WNK1: variants seen among roughly 807,000 people sequenced by gnomAD.
WNK1 encodes the protein serine/threonine-protein kinase WNK1.
A neutral mutation model predicts 222.8 loss-of-function variants in WNK1; 38 were observed. The ratio of observed to expected loss-of-function variants is 0.17; its 90% CI spans 0.13 to 0.22. The LOEUF is 0.22. WNK1 is among the 10% of genes least tolerant of loss of function. The probability of loss-of-function intolerance (pLI) is 1.00; values close to 1 mark genes in which losing one functional copy is unlikely to be tolerated. For synonymous variants in WNK1, 1,090 were observed against 1,092.9 expected, an observed-to-expected ratio of 1.00 and a Z score of 0.05; for missense variants, 2,348 against 2,918.4, an observed-to-expected ratio of 0.80 and a Z score of 4.50.
chr12:816,714 C>T (rs1435812787), intron 2 of WNK1, among the ~76,000 whole-genome samples: 1 of 152,112 alleles, frequency 6.6e-6, no homozygotes, highest in Non-Finnish European at 1.5e-5. Flanking sequence ...AGAAAACTCC[C>T]GGGGACATTT....
At chr12:881,020 T>C in intron 12 of WNK1, 21 bp downstream of exon 12, 1 of 1,613,868 alleles carries the variant, frequency 6.2e-7, no homozygotes, top group South Asian at 1.1e-5. Context: ...TTACTGCATG[T>C]TTATATGTAA....
At chr12:865,606 A>G (rs891926348) in intron 8 of WNK1, among the ~76,000 whole-genome samples, 3 of 152,208 alleles carry the variant, frequency 2.0e-5, no homozygotes, top group Non-Finnish European at 2.9e-5. Context: ...CATGTGTCCA[A>G]TAAAATTTAC....
intron 1 of WNK1, among the ~76,000 whole-genome samples, chr12:765,213 C>G (rs1941538804): frequency 6.8e-6 from 1 of 147,756 alleles, no homozygotes; most frequent in African/African-American, 2.4e-5. Flanking sequence ...TTCAAGTGCT[C>G]AGTGACAACA....
rs530685726 is a variant in WNK1 at position 848,106 on chromosome 12, G to A, written c.1312-9055G>A. Among the ~76,000 whole-genome samples, 8 of 152,166 alleles carry A rather than the reference G, an allele frequency of 5.3e-5. No homozygotes were observed. In the East Asian group the frequency reaches 1.4e-3, roughly 26 times the overall value. ...AGGCGTGAGCCACCGCGCCTGGCTG[G>A]CTAATGGATTAATTCTAACTTTGAC... On this transcript the variant is annotated intron_variant, in intron 4 of 27. Transcript: ENST00000315939.
chr12:873,738 A>G (rs973727404), intron 9 of WNK1, among the ~76,000 whole-genome samples: 4 of 152,172 alleles, frequency 2.6e-5, no homozygotes, highest in Non-Finnish European at 5.9e-5. Context: ...AACTTTTTGT[A>G]CTATATGGAT....
rs1591886860 is a variant in WNK1, at chr12:827,585, G to A, written c.1153+323G>A. On this transcript the variant is annotated intron_variant, in intron 3 of 27. Transcript: ENST00000315939. This position sits in a 1 kb window ranked among gnomAD's most constrained non-coding sequence, Gnocchi z 4.6. ...TCTCTGTCACCCAGGCTAGAGTGCA[G>A]TGGCACAATCTCAGCTCACTGCAAC... 1 of 382,284 alleles carries A rather than the reference G, an allele frequency of 2.6e-6. No homozygotes were observed. Among genetic ancestry groups the A allele is most frequent in the Non-Finnish European group, 4.8e-6 (1 of 209,298 alleles). 23.7% of individuals were successfully genotyped at this position (382,284 alleles called of 1,614,324 possible).
Position 799,873 on chromosome 12 carries a change from C to T in WNK1, c.760-13769C>T, listed in dbSNP as rs550654101. Among the ~76,000 whole-genome samples the T allele has an allele frequency of 7.2e-5, 11 of 151,986 alleles. No homozygotes were observed. In the East Asian group the frequency reaches 9.7e-4, roughly 13 times the overall value. On this transcript the variant is annotated intron_variant, in intron 1 of 27. Transcript: ENST00000315939. ...CTACTTTTTGTATTTTTAGTAGAGACGGGGTTTCACCATGTTGGCCAGGCT... is the reference window on the plus strand; with the variant it reads ...CTACTTTTTGTATTTTTAGTAGAGATGGGGTTTCACCATGTTGGCCAGGCT...
At chr12:775,390 G>A (rs1240914298) in intron 1 of WNK1, among the ~76,000 whole-genome samples, 1 of 152,132 alleles carries the variant, frequency 6.6e-6, no homozygotes, top group Non-Finnish European at 1.5e-5. Context: ...ATGGCAAGTT[G>A]TGTTTTCAGT....
At chr12:791,225 CCACA>C (rs141810227) in intron 1 of WNK1, among the ~76,000 whole-genome samples, 3,057 of 145,188 alleles carry the variant, frequency 0.021, 61 homozygotes, top group African/African-American at 0.054. Flanking sequence ...ATTTCTCTCA[CCACA>C]CACACACACA....
At chr12:838,527 G>A (rs542267727) in intron 4 of WNK1, among the ~76,000 whole-genome samples, 2 of 152,016 alleles carry the variant, frequency 1.3e-5, no homozygotes, top group Non-Finnish European at 2.9e-5. Context: ...TGATTCTCCC[G>A]CCTCAGCCTC....
At chr12:810,861 T>C (rs1207298314) in intron 1 of WNK1, among the ~76,000 whole-genome samples, 1 of 152,206 alleles carries the variant, frequency 6.6e-6, no homozygotes, top group Non-Finnish European at 1.5e-5. Flanking sequence ...ATTGTTTTAG[T>C]TGTTGCCTGA....
chr12:860,575 C>A (rs1273039467), intron 6 of WNK1, among the ~76,000 whole-genome samples: 1 of 152,152 alleles, frequency 6.6e-6, no homozygotes, highest in Non-Finnish European at 1.5e-5. Context: ...AGTGTTAAAT[C>A]TTCATATTCG....
At chr12:878,382 TA>T (rs764261964) in intron 10 of WNK1, 21 bp downstream of exon 10, 46 of 1,597,200 alleles carry the variant, frequency 2.9e-5, no homozygotes, top group Non-Finnish European at 3.7e-5. Context: ...TTTTTTTTTT[TA>T]AACAGGTAAA....
chr12:901,629 C>T (rs1955268876), intron 26 of WNK1: 1 of 1,288,976 alleles, frequency 7.8e-7, no homozygotes, highest in Admixed American at 2.3e-5. Context: ...GACCCGATTT[C>T]TGAGTACGCC....
intron 1 of WNK1, among the ~76,000 whole-genome samples, chr12:767,455 A>G (rs1422392836): frequency 6.6e-6 from 1 of 150,768 alleles, no homozygotes; most frequent in East Asian, 2.0e-4. Context: ...GTTTCACCAT[A>G]TTGGTCGGGC....
intron 1 of WNK1, among the ~76,000 whole-genome samples, chr12:784,086 T>TGGCATGTGCCTGTAGTCCCAGC (rs1944021188): frequency 1.0e-5 from 1 of 100,192 alleles, no homozygotes; most frequent in Non-Finnish European, 2.1e-5. Context: ...CCAGGCACAG[T>TGGCATGTGCCTGTAGTCCCAGC]GGCATGTGCC....
intron 1 of WNK1, among the ~76,000 whole-genome samples, chr12:771,100 C>T (rs190428737): frequency 2.0e-5 from 3 of 151,996 alleles, no homozygotes; most frequent in African/African-American, 7.3e-5. Context: ...TGGGTTCAAG[C>T]GACTCTCCTG....
At chr12:765,276 G>A (rs1013934390) in intron 1 of WNK1, among the ~76,000 whole-genome samples, 2 of 147,982 alleles carry the variant, frequency 1.4e-5, no homozygotes, top group African/African-American at 4.9e-5. Flanking sequence ...GGCTGGGCAT[G>A]GTGGCTTATA....
At chr12:785,050 A>T (rs922040455) in intron 1 of WNK1, among the ~76,000 whole-genome samples, 1 of 152,184 alleles carries the variant, frequency 6.6e-6, no homozygotes, top group African/African-American at 2.4e-5. Flanking sequence ...TTTATTTCAG[A>T]ATTTTAAAGA....
Sources: allele counts gnomAD v4.1 joint callset (sites outside exome capture counted in the v4.1 genomes callset), GRCh38; gene constraint gnomAD v4.1.1; non-coding constraint Gnocchi (gnomAD v3.1); transcripts MANE v1.5; gene names NCBI Gene and HGNC (gene_info 2026-07-23, HGNC 2026-07-21).